The following TTK variants were observed in gnomAD, a reference collection of about 807,000 sequenced individuals.
TTK encodes TTK protein kinase.
In TTK, 59 loss-of-function variants were observed where a neutral mutation model predicts 117.3. The ratio of observed to expected loss-of-function variants is 0.50; its 90% CI spans 0.41 to 0.62. The LOEUF (loss-of-function observed/expected upper bound fraction) is 0.62, where lower values mean the gene tolerates loss of function less well. Ranked by LOEUF, TTK falls within the 20% of genes least tolerant of loss-of-function variation. The pLI is 0.00. For synonymous variants in TTK, 302 were observed against 325.0 expected, an observed-to-expected ratio of 0.93 and a Z score of 0.76; for missense variants, 921 against 989.4, an observed-to-expected ratio of 0.93 and a Z score of 0.93.
At chr6:80,033,152 T>C (rs1316193025) in intron 14 of TTK, among the ~76,000 whole-genome samples, 3 of 152,340 alleles carry the variant, frequency 2.0e-5, no homozygotes, top group Non-Finnish European at 2.9e-5. Flanking sequence ...GTAACCACCA[T>C]TGTCAAAGGT....
At chr6:80,007,770 A>T in intron 2 of TTK, 39 bp from the exon 3 acceptor site, 2 of 1,533,456 alleles carry the variant, frequency 1.3e-6, no homozygotes, top group Non-Finnish European at 1.8e-6. Context: ...CATTTGTTTT[A>T]TGTCTTTTCT....
intron 4 of TTK, among the ~76,000 whole-genome samples, chr6:80,009,136 C>G (rs951697309): frequency 6.6e-6 from 1 of 151,994 alleles, no homozygotes; most frequent in Non-Finnish European, 1.5e-5. Flanking sequence ...TTTCCAGGGC[C>G]TTTGGATACA....
chr6:80,015,347 T>A (rs1767279574), intron 10 of TTK, among the ~76,000 whole-genome samples: 1 of 152,184 alleles, frequency 6.6e-6, no homozygotes, highest in South Asian at 2.1e-4. Flanking sequence ...TTAGATTTTT[T>A]ATTTATTTTT....
At chr6:80,023,563 G>A (rs746539993) in intron 11 of TTK, among the ~76,000 whole-genome samples, 6 of 151,988 alleles carry the variant, frequency 3.9e-5, no homozygotes, top group Non-Finnish European at 7.4e-5. Context: ...ACTGCACTCC[G>A]GCCTGGGTGA....
At chr6:80,038,515 A>T (rs574249340) in intron 18 of TTK, among the ~76,000 whole-genome samples, 1 of 152,232 alleles carries the variant, frequency 6.6e-6, no homozygotes, top group African/African-American at 2.4e-5. Context: ...TGGCCAAGTG[A>T]CTTGCCTAGT....
chr6:80,040,521 C>T, intron 20 of TTK, 85 bp from the exon 21 acceptor site: 2 of 1,194,376 alleles, frequency 1.7e-6, no homozygotes, highest in South Asian at 1.5e-5. Flanking sequence ...AAGAATATCA[C>T]TTTGTGCTAT....
chr6:80,041,583 A>G (rs903268503), intron 21 of TTK, among the ~76,000 whole-genome samples: 1 of 151,554 alleles, frequency 6.6e-6, no homozygotes, highest in Non-Finnish European at 1.5e-5. Flanking sequence ...GTTGAGGTGG[A>G]TTATTTTTAT....
intron 11 of TTK, among the ~76,000 whole-genome samples, chr6:80,023,470 G>A (rs1450208352): frequency 6.6e-6 from 1 of 151,964 alleles, no homozygotes; most frequent in African/African-American, 2.4e-5. Flanking sequence ...GTGGGCGCCT[G>A]TAGTCCCAGC....
chr6:80,011,710 G>A lies in TTK; in HGVS notation c.729-19G>A, dbSNP rs565669822. ...AATATTGTTCTTTGAAAAATTGGGG[G>A]TATTTTCTTTCTGTTTAGAGAGAAC... On this transcript the variant is annotated intron_variant, in intron 6 of 21. Coordinates refer to ENST00000369798, the MANE Select transcript of TTK (RefSeq NM_003318.5). 1.9e-6 allele frequency: 3 copies of A among 1,610,736 alleles called. No homozygotes were observed. Among genetic ancestry groups the A allele is most frequent in the Admixed American group, 3.4e-5 (2 of 59,654 alleles).
chr6:80,006,115 A>G (rs1237185412), intron 2 of TTK, 133 bp downstream of exon 2: 1 of 1,254,728 alleles, frequency 8.0e-7, no homozygotes, highest in Admixed American at 1.9e-5. Context: ...AATGCAGGCT[A>G]CATGATGGCA....
At chr6:80,022,639 A>G (rs540094554) in intron 11 of TTK, among the ~76,000 whole-genome samples, 167 bp downstream of exon 11, 20 of 152,358 alleles carry the variant, frequency 1.3e-4, no homozygotes, top group African/African-American at 4.8e-4. Flanking sequence ...AGTAGCAGTC[A>G]TACGTTCAGT....
intron 20 of TTK, 117 bp downstream of exon 20, chr6:80,040,397 C>T (rs1768016395): frequency 3.0e-6 from 3 of 985,370 alleles, no homozygotes; most frequent in South Asian, 2.1e-5. Flanking sequence ...CTGCCTTTTT[C>T]CTTAAGGAAG....
At chr6:80,023,975 A>G (rs1432428253) in intron 11 of TTK, among the ~76,000 whole-genome samples, 2 of 152,060 alleles carry the variant, frequency 1.3e-5, no homozygotes, top group South Asian at 4.1e-4. Context: ...TTTTTTTTCT[A>G]TTTGAAAATT....
rs55988913 is a variant in TTK, at chr6:80,035,030, T to C, written c.1660T>C (p.Tyr554His). 151 of 1,595,038 alleles carry C rather than the reference T, an allele frequency of 9.5e-5. No individual in the cohort carries two copies. In the Middle Eastern group the frequency reaches 1.7e-3, roughly 18 times the overall value. The change falls in exon 15 of 22, where the codon TAT (tyrosine) becomes CAT (histidine). Residue 554 changes from tyrosine (Y) to histidine (H), a missense_variant. Coordinates refer to ENST00000369798, the MANE Select transcript of TTK (RefSeq NM_003318.5). Reference protein sequence around the residue: ...NEKKQIYAIKYVNLEEADNQT... With the variant: ...NEKKQIYAIKHVNLEEADNQT... Reference sequence around the variant, plus strand: ...AAAGAAACAGATATATGCTATAAAATATGTGAACTTAGAAGAAGCAGATAA... The same window carrying C: ...AAAGAAACAGATATATGCTATAAAACATGTGAACTTAGAAGAAGCAGATAA...
chr6:80,020,536 T>C (rs1010893766), intron 10 of TTK, among the ~76,000 whole-genome samples: 2 of 152,226 alleles, frequency 1.3e-5, no homozygotes, highest in Admixed American at 1.3e-4. Flanking sequence ...TTTAATTTTG[T>C]AGTTAAAGAT....
chr6:80,008,058 C>G, intron 3 of TTK, 27 bp downstream of exon 3: 5 of 1,603,396 alleles, frequency 3.1e-6, no homozygotes, highest in Non-Finnish European at 4.3e-6. Context: ...TAACTATGTT[C>G]AACTATGTTA....
intron 16 of TTK, among the ~76,000 whole-genome samples, chr6:80,035,631 T>G (rs1458266091): frequency 1.3e-5 from 2 of 152,154 alleles, no homozygotes; most frequent in Non-Finnish European, 2.9e-5. Flanking sequence ...AGTTCCGACA[T>G]CTGTAATACA....
Position 80,006,242 on chromosome 6 carries a change from C to T in TTK, c.139+260C>T, listed in dbSNP as rs373256552. 1.1e-4 allele frequency: 48 copies of T among 421,938 alleles called. No individual in the cohort carries two copies. In the East Asian group the frequency reaches 2.3e-3, roughly 20 times the overall value. The allele number at this position is 421,938 out of a possible 1,614,324, so 26.1% of individuals were successfully genotyped here. On this transcript the variant is annotated intron_variant, in intron 2 of 21. Coordinates refer to ENST00000369798, the MANE Select transcript of TTK (RefSeq NM_003318.5). ...GTGAAAATGCCCAGAGTTTAATACT[C>T]TAGCTCTTCTAAAAGTATTAGCTCA...
At chr6:80,028,329 ATTTT>A (rs1273916027) in intron 13 of TTK, among the ~76,000 whole-genome samples, 1 of 107,816 alleles carries the variant, frequency 9.3e-6, no homozygotes, top group African/African-American at 3.6e-5. Context: ...TTATTTATTT[ATTTT>A]TTGAGACAGA....
Sources: gnomAD v4.1 joint callset for allele counts (sites outside exome capture counted in the v4.1 genomes callset) on GRCh38, gnomAD v4.1.1 for gene constraint, MANE v1.5 for transcripts, NCBI Gene and HGNC (gene_info 2026-07-23, HGNC 2026-07-21) for gene names.